SLC39A14: variants seen among roughly 807,000 people sequenced by gnomAD.
The protein encoded by SLC39A14 is solute carrier family 39 member 14.
In SLC39A14, 19 loss-of-function variants were observed where a neutral mutation model predicts 45.5. The observed-to-expected ratio is 0.42, with a 90% confidence interval of 0.29 to 0.61. SLC39A14 has a LOEUF of 0.61. Ranked by LOEUF, SLC39A14 falls within the 20% of genes least tolerant of loss-of-function variation. The pLI is 0.22. For missense variants in SLC39A14, 447 were observed against 616.5 expected (o/e 0.73, Z 2.91); for synonymous variants, 264 against 251.3 (o/e 1.05, Z -0.48).
intron 1 of SLC39A14, among the ~76,000 whole-genome samples, chr8:22,375,772 G>A (rs1833184734): frequency 6.6e-6 from 1 of 152,242 alleles, no homozygotes; most frequent in Admixed American, 6.5e-5. Flanking sequence ...ACAGGCATGA[G>A]CCACTGCACC....
chr8:22,371,846 G>A (rs1223080356), intron 1 of SLC39A14, among the ~76,000 whole-genome samples: 1 of 151,154 alleles, frequency 6.6e-6, no homozygotes, highest in African/African-American at 2.4e-5. Flanking sequence ...CCGGGTTCAA[G>A]CCATTCTCCT....
chr8:22,404,426 CAAAA>C (rs1338825974), intron 1 of SLC39A14: 1 of 117,034 alleles, frequency 8.5e-6, no homozygotes, highest in Non-Finnish European at 1.6e-5. Flanking sequence ...TCTCCCGTCT[CAAAA>C]AAAAAAAAAA....
In SLC39A14 at chr8:22,420,282, T is replaced by C. The variant is rs1429307380; in HGVS notation, c.*584T>C. On this transcript the variant is annotated 3_prime_UTR_variant, in exon 9 of 9. Coordinates refer to ENST00000381237, the MANE Select transcript of SLC39A14 (RefSeq NM_001128431.4). ...AGGGTGAGAGGTGAGGCAAGGTTCA[T>C]CCTGAATGGGAGAGGAAGTCGAACC... The C allele has an allele frequency of 2.0e-6, 2 of 985,472 alleles. No homozygotes were observed. Among genetic ancestry groups the C allele is most frequent in the East Asian group, 2.3e-4 (2 of 8,818 alleles). The allele number at this position is 985,472 out of a possible 1,614,324, so 61.0% of individuals were successfully genotyped here.
intron 1 of SLC39A14, chr8:22,393,118 C>A: frequency 1.3e-6 from 1 of 749,222 alleles, no homozygotes; most frequent in Non-Finnish European, 1.6e-6. Flanking sequence ...GCTCCGCTGG[C>A]CGCCCTCCTG....
At chr8:22,423,375 G>A (rs1461995431), downstream of SLC39A14, among the ~76,000 whole-genome samples, 3 of 142,962 alleles carry the variant, frequency 2.1e-5, no homozygotes, top group Non-Finnish European at 3.0e-5. Context: ...TCACTCTATT[G>A]CCCAGGCTGG....
chr8:22,408,529 C>G (rs776241676), intron 3 of SLC39A14, 33 bp downstream of exon 3: 8 of 1,587,474 alleles, frequency 5.0e-6, no homozygotes, highest in Middle Eastern at 4.1e-4. Flanking sequence ...GAGCCCATCT[C>G]CCATCTCGCC....
rs1203195453 is a variant in SLC39A14, at chr8:22,401,145, C to T, written c.-15-3551C>T. ...TGACACTGAAGGCCATGATAAGCTG[C>T]GTCGCTGCTTTGAGTGATTCTAGAA... On this transcript the variant is annotated intron_variant, in intron 1 of 8. Transcript: ENST00000381237. 4.6e-5 allele frequency among the ~76,000 whole-genome samples: 7 copies of T among 152,194 alleles called. No individual in the cohort carries two copies. In the East Asian group the frequency reaches 7.7e-4, roughly 17 times the overall value.
intron 5 of SLC39A14, chr8:22,415,470 A>G (rs1269013575): frequency 6.3e-6 from 2 of 316,686 alleles, no homozygotes; most frequent in Non-Finnish European, 1.2e-5. Flanking sequence ...ATTTATATAT[A>G]TAGATATTAG....
intron 8 of SLC39A14, among the ~76,000 whole-genome samples, chr8:22,433,101 G>T (rs1007742228): frequency 6.6e-6 from 1 of 151,944 alleles, no homozygotes; most frequent in South Asian, 2.1e-4. Context: ...TCTGCACCTG[G>T]CCTTATTTTC....
In SLC39A14 at chr8:22,421,724, C is replaced by A. The variant is rs967477935; in HGVS notation, c.*2026C>A. ...GTATTAAATTTATAATTTTAGCATT[C>A]CCAATAGATCCTATCATTCCTTAAA... On this transcript the variant is annotated 3_prime_UTR_variant, in exon 9 of 9. Coordinates refer to ENST00000381237, the MANE Select transcript of SLC39A14 (RefSeq NM_001128431.4). The A allele has an allele frequency of 7.1e-6, 7 of 984,342 alleles. No homozygotes were observed. The highest frequency in any genetic ancestry group is 8.4e-6 in the Non-Finnish European group (7 of 828,798). 61.0% of individuals were successfully genotyped at this position (984,342 alleles called of 1,614,324 possible). A position where few individuals can be genotyped will look rare whatever the true frequency, so the allele number is the denominator to read the frequency against.
chr8:22,409,374 TTTTGTTTTTTTTG>T (rs1835427819), intron 3 of SLC39A14, among the ~76,000 whole-genome samples: 1 of 140,962 alleles, frequency 7.1e-6, no homozygotes, highest in Non-Finnish European at 1.6e-5. Flanking sequence ...GTATGGCTTT[TTTTGTTTTTTTTG>T]TTTGTTTGTT....
chr8:22,423,437 G>A (rs1176435787), downstream of SLC39A14, among the ~76,000 whole-genome samples: 1 of 151,528 alleles, frequency 6.6e-6, no homozygotes, highest in Non-Finnish European at 1.5e-5. Flanking sequence ...CCGGGTTCAC[G>A]CCATTCTCCT....
downstream of SLC39A14, among the ~76,000 whole-genome samples, chr8:22,427,448 A>G (rs994332525): frequency 2.0e-5 from 3 of 152,190 alleles, no homozygotes; most frequent in African/African-American, 7.2e-5. Context: ...AACTAATTCA[A>G]TAAAGGGAAT....
At chr8:22,390,785 C>T (rs532263648) in intron 1 of SLC39A14, 2 of 152,160 alleles carry the variant, frequency 1.3e-5, no homozygotes, top group Non-Finnish European at 2.9e-5. Context: ...TTGTTGCAGC[C>T]TCAAACTCCT....
Position 22,419,532 on chromosome 8 carries a change from G to A in SLC39A14, c.1333-20G>A, listed in dbSNP as rs908032329. The A allele has an allele frequency of 9.3e-6, 15 of 1,605,092 alleles. No individual in the cohort carries two copies. Among genetic ancestry groups the A allele is most frequent in the East Asian group, 6.7e-5 (3 of 44,826 alleles). ...ATGAAGAAGGAATTGCAGCTGTGTT[G>A]TTTCTTGCTTCTTTCCCAGTTCCCT... On this transcript the variant is annotated intron_variant, in intron 8 of 8. Transcript: ENST00000381237.
In SLC39A14 at chr8:22,420,752, A is replaced by G; in HGVS notation, c.*1054A>G. The G allele has an allele frequency of 3.0e-6, 3 of 985,452 alleles. No homozygotes were observed. The highest frequency in any genetic ancestry group is 1.1e-4 in the East Asian group (1 of 8,822). 61.0% of individuals were successfully genotyped at this position (985,452 alleles called of 1,614,324 possible). ...GCAAAATTTAGGATTTGCCGCTTCCATAAATCAAAGCATGACTAATAGGGG... is the reference window on the plus strand; with the variant it reads ...GCAAAATTTAGGATTTGCCGCTTCCGTAAATCAAAGCATGACTAATAGGGG... On this transcript the variant is annotated 3_prime_UTR_variant, in exon 9 of 9. Transcript: ENST00000381237.
chr8:22,424,813 T>C (rs933524611), downstream of SLC39A14, among the ~76,000 whole-genome samples: 5 of 152,064 alleles, frequency 3.3e-5, no homozygotes, highest in African/African-American at 1.2e-4. Flanking sequence ...GATCACTTGA[T>C]GTCAGGAGTT....
intron 4 of SLC39A14, among the ~76,000 whole-genome samples, chr8:22,413,186 T>C (rs982001053): frequency 2.0e-5 from 3 of 152,194 alleles, no homozygotes; most frequent in Non-Finnish European, 2.9e-5. Flanking sequence ...CGTCTCCCTG[T>C]GGGTGGTCTC....
At chr8:22,374,740 CTTTTTTTTTTTTTTTT>C (rs67116858) in intron 1 of SLC39A14, among the ~76,000 whole-genome samples, 10 of 104,040 alleles carry the variant, frequency 9.6e-5, no homozygotes, top group African/African-American at 4.2e-4. Flanking sequence ...CCAGCCTGCT[CTTTTTTTTTTTTTTTT>C]TTTTTTTGAG....
Sources: gnomAD v4.1 joint callset for allele counts (sites outside exome capture counted in the v4.1 genomes callset) on GRCh38, gnomAD v4.1.1 for gene constraint, MANE v1.5 for transcripts, NCBI Gene and HGNC (gene_info 2026-07-23, HGNC 2026-07-21) for gene names.